NPHP4: variants seen among roughly 807,000 people sequenced by gnomAD.
NPHP4 encodes nephrocystin 4, also known as nephrocystin-4.
Under a neutral mutation model 155.8 loss-of-function variants are expected in NPHP4, and 151 were observed. That is an observed-to-expected ratio of 0.97 (90% CI 0.85 to 1.11). NPHP4 has a LOEUF of 1.11. Ranked by LOEUF, NPHP4 falls within the 50% of genes least tolerant of loss-of-function variation. The pLI is 0.00. For missense variants in NPHP4, 1,956 were observed against 1,925.7 expected (o/e 1.02, Z -0.29); for synonymous variants, 845 against 816.8 (o/e 1.03, Z -0.59).
At position 5,864,478 on chromosome 1, in the gene NPHP4, C is replaced by T. The variant is rs1249251069; in HGVS notation, c.3856G>A (p.Val1286Met). ...KGVFVLPPRGVQDLHVGVRPL... is the reference protein window; with the variant it reads ...KGVFVLPPRGMQDLHVGVRPL... ...CTCACGCCAACATGCAGGTCCTGCA[C>T]CCCACGAGGCGGCAGCACGAAGACA... is the stretch of plus-strand genomic sequence containing the variant. Residue 1286 changes from valine (V) to methionine (M), a missense_variant, in exon 28 of 30, where the codon GTG becomes ATG. Transcript: ENST00000378156. 3 of 1,598,056 alleles carry T rather than the reference C, an allele frequency of 1.9e-6. No homozygotes were observed. Among genetic ancestry groups the T allele is most frequent in the Non-Finnish European group, 1.7e-6 (2 of 1,171,656 alleles).
At chr1:5,946,221 CA>C (rs780654941) in intron 9 of NPHP4, among the ~76,000 whole-genome samples, 7 of 152,178 alleles carry the variant, frequency 4.6e-5, no homozygotes, top group Non-Finnish European at 8.8e-5. Context: ...TTGACTTTTT[CA>C]AACAGAAAAC....
chr1:5,873,981 G>A, intron 22 of NPHP4: 1 of 219,816 alleles, frequency 4.5e-6, no homozygotes, highest in Non-Finnish European at 9.1e-6. Flanking sequence ...TATCGCCCCT[G>A]CACACACACC....
chr1:5,870,254 C>T (rs931935103), intron 23 of NPHP4, among the ~76,000 whole-genome samples: 21 of 152,262 alleles, frequency 1.4e-4, no homozygotes, highest in African/African-American at 2.2e-4. Flanking sequence ...ATCAACAGGA[C>T]GCAGGAGCTG....
At chr1:5,953,248 G>A (rs1278886539) in intron 6 of NPHP4, among the ~76,000 whole-genome samples, 1 of 152,148 alleles carries the variant, frequency 6.6e-6, no homozygotes, top group Non-Finnish European at 1.5e-5. Flanking sequence ...TGCGATTACA[G>A]GTGACTACCA....
intron 9 of NPHP4, among the ~76,000 whole-genome samples, chr1:5,938,064 C>T (rs1238048986): frequency 6.6e-6 from 1 of 152,254 alleles, no homozygotes; most frequent in Admixed American, 6.5e-5. Context: ...GAGCAACCAG[C>T]CGCACACGGC....
rs1018831600 is a variant in NPHP4, at chr1:5,905,551, G to A, written c.1764-68C>T. Reference sequence around the variant, plus strand: ...GGACCCATTGATGCACCTCCCTGTGGAAACCCTGGGGTTCACAAGGTCCAA... The same window carrying A: ...GGACCCATTGATGCACCTCCCTGTGAAAACCCTGGGGTTCACAAGGTCCAA... On this transcript the variant is annotated intron_variant, in intron 14 of 29. Coordinates refer to ENST00000378156, the MANE Select transcript of NPHP4 (RefSeq NM_015102.5). The surrounding 1 kb of genome is among the most constrained non-coding windows in gnomAD (Gnocchi z 4.0). 18 of 1,598,962 alleles carry A rather than the reference G, an allele frequency of 1.1e-5. No homozygotes were observed. Among genetic ancestry groups the A allele is most frequent in the Non-Finnish European group, 1.5e-5 (17 of 1,168,438 alleles).
At chr1:5,912,554 AAG>A (rs1645243748) in intron 11 of NPHP4, among the ~76,000 whole-genome samples, 1 of 100,730 alleles carries the variant, frequency 9.9e-6, no homozygotes, top group African/African-American at 4.9e-5. Context: ...AAAAAAAAAA[AAG>A]AAAAAAGAAA....
intron 11 of NPHP4, among the ~76,000 whole-genome samples, chr1:5,920,281 G>A (rs768786390): frequency 4.0e-5 from 6 of 151,854 alleles, no homozygotes; most frequent in Non-Finnish European, 5.9e-5. Flanking sequence ...GGCTGATCTC[G>A]AACTCTTGGC....
intron 26 of NPHP4, 143 bp downstream of exon 26, chr1:5,866,230 A>C: frequency 1.4e-6 from 1 of 709,588 alleles, no homozygotes; most frequent in Non-Finnish European, 2.6e-6. Context: ...TCGCAGCAGA[A>C]TCCCGCCTCA....
Position 5,969,159 on chromosome 1 carries a change from G to A in NPHP4, c.380C>T (p.Ser127Phe), listed in dbSNP as rs967210806. The change falls in exon 4 of 30, where the codon TCC (serine) becomes TTC (phenylalanine). Residue 127 changes from serine (S) to phenylalanine (F), a missense_variant. Coordinates refer to ENST00000378156, the MANE Select transcript of NPHP4 (RefSeq NM_015102.5). ...KKRDGSLQTLSCGFGILRIFS... is the reference protein window; with the variant it reads ...KKRDGSLQTLFCGFGILRIFS... ...GATCCGAAGAATTCCAAACCCACAG[G>A]ACAATGTCTGGAGGCTCCCATCCCG... 2.6e-6 allele frequency: 4 copies of A among 1,557,192 alleles called. No individual in the cohort carries two copies. The highest frequency in any genetic ancestry group is 3.5e-6 in the Non-Finnish European group (4 of 1,149,878).
chr1:5,951,108 G>A (rs1235696933), intron 7 of NPHP4, among the ~76,000 whole-genome samples: 2 of 152,216 alleles, frequency 1.3e-5, no homozygotes, highest in Admixed American at 1.3e-4. Context: ...AACCAGAACA[G>A]AAAGCCAAGA....
At chr1:5,984,327 GT>G (rs922863354) in intron 2 of NPHP4, among the ~76,000 whole-genome samples, 17 of 152,170 alleles carry the variant, frequency 1.1e-4, no homozygotes, top group African/African-American at 4.1e-4. Flanking sequence ...GAGCTCAGGA[GT>G]TTGAAACCAG....
rs779623461 is a variant in NPHP4, at chr1:5,869,030, CAT to C, written c.3316-1136_3316-1135del. ...ACCCATACACACACACATGCACACA[CAT>C]ACATGCACACATGCCCCCACACGCA... On this transcript the variant is annotated intron_variant, in intron 23 of 29. Transcript: ENST00000378156. Among the ~76,000 whole-genome samples the C allele has an allele frequency of 5.3e-4, 74 of 138,760 alleles. 1 individual carries two copies. Among genetic ancestry groups the C allele is most frequent in the African/African-American group, 1.6e-3 (58 of 36,574 alleles). The allele number at this position is 138,760 out of a possible 152,430, so 91.0% of individuals were successfully genotyped here.
intron 11 of NPHP4, among the ~76,000 whole-genome samples, chr1:5,926,404 G>C (rs1300840265): frequency 2.0e-5 from 3 of 152,174 alleles, no homozygotes; most frequent in Admixed American, 1.3e-4. Flanking sequence ...TCAAAAATCA[G>C]AGTACAGAGT....
chr1:5,922,878 G>C (rs988061173), intron 11 of NPHP4, among the ~76,000 whole-genome samples: 2 of 152,162 alleles, frequency 1.3e-5, no homozygotes, highest in African/African-American at 4.8e-5. Context: ...ACTCCCTGTA[G>C]TCCTGGCTAC....
At chr1:5,987,722 C>G (rs565622116) in intron 1 of NPHP4, among the ~76,000 whole-genome samples, 1 of 152,172 alleles carries the variant, frequency 6.6e-6, no homozygotes, top group Non-Finnish European at 1.5e-5. Flanking sequence ...ACAGTCATCC[C>G]CGGGGAAGCC....
intron 18 of NPHP4, among the ~76,000 whole-genome samples, chr1:5,886,130 G>A (rs1488135575): frequency 3.9e-5 from 6 of 152,188 alleles, no homozygotes; most frequent in South Asian, 2.1e-4. Flanking sequence ...CAACCAACTC[G>A]GTCTCAGAGC....
chr1:5,889,223 G>A lies in NPHP4; in HGVS notation c.2304+1645C>T, dbSNP rs150450222. On this transcript the variant is annotated intron_variant, in intron 17 of 29. Transcript: ENST00000378156. This position sits in a 1 kb window ranked among gnomAD's most constrained non-coding sequence, Gnocchi z 4.2. Reference sequence around the variant, plus strand: ...GAAGGAAAAGCCACTGTAGTGACCCGCAACAGCAAGAGCTCAAACAAGATG... The same window carrying A: ...GAAGGAAAAGCCACTGTAGTGACCCACAACAGCAAGAGCTCAAACAAGATG... Among the ~76,000 whole-genome samples, 9 of 152,280 alleles carry A rather than the reference G, an allele frequency of 5.9e-5. No individual in the cohort carries two copies. Among genetic ancestry groups the A allele is most frequent in the East Asian group, 1.9e-4 (1 of 5,184 alleles).
In NPHP4 at chr1:5,933,298, G is replaced by T. The variant is rs773135155; in HGVS notation, c.1151C>A (p.Ala384Glu). 1 of 1,613,408 alleles carries T rather than the reference G, an allele frequency of 6.2e-7. No individual in the cohort carries two copies. Among genetic ancestry groups the T allele is most frequent in the East Asian group, 2.2e-5 (1 of 44,884 alleles). The change falls in exon 10 of 30, where the codon GCA becomes GAA. Residue 384 changes from alanine (A) to glutamate (E), a missense_variant. Ala to Glu is a moderately radical substitution (Grantham distance 107). Coordinates refer to ENST00000378156, the MANE Select transcript of NPHP4 (RefSeq NM_015102.5). ...AASVTSLSNL[A>E]CMHMVRWAVW... ...AGCCCAGCGGACCATGTGCATGCATGCCAGGTTGGACAGAGAGGTGACCGA... is the reference window on the plus strand; with the variant it reads ...AGCCCAGCGGACCATGTGCATGCATTCCAGGTTGGACAGAGAGGTGACCGA...
Sources: gnomAD v4.1 joint callset for allele counts (sites outside exome capture counted in the v4.1 genomes callset) on GRCh38, gnomAD v4.1.1 for gene constraint, Gnocchi (gnomAD v3.1) non-coding constraint, MANE v1.5 for transcripts, NCBI Gene and HGNC (gene_info 2026-07-23, HGNC 2026-07-21) for gene names.